The following BLM variants were observed in gnomAD, a reference collection of about 807,000 sequenced individuals.
BLM encodes the protein recQ-like DNA helicase BLM.
BLM carries 95 observed loss-of-function variants against 135.3 expected under a neutral mutation model. The observed-to-expected ratio is 0.70, with a 90% confidence interval of 0.59 to 0.83. The LOEUF (loss-of-function observed/expected upper bound fraction) is 0.83. Ranked by LOEUF, BLM falls within the 40% of genes least tolerant of loss-of-function variation. BLM has a pLI of 0.00. For missense variants in BLM, 1,518 were observed against 1,663.9 expected, an observed-to-expected ratio of 0.91 and a Z score of 1.53; for synonymous variants, 520 against 589.2, an observed-to-expected ratio of 0.88 and a Z score of 1.70.
chr15:90,785,456 AACT>A, intron 14 of BLM, among the ~76,000 whole-genome samples: 2 of 152,056 alleles, frequency 1.3e-5, no homozygotes, highest in Non-Finnish European at 1.5e-5. Flanking sequence ...CAAATCTACT[AACT>A]ACTGCTAACC....
At chr15:90,775,346 T>C (rs1278197496) in intron 12 of BLM, among the ~76,000 whole-genome samples, 1 of 151,988 alleles carries the variant, frequency 6.6e-6, no homozygotes, top group East Asian at 1.9e-4. Context: ...AAGGGATGAG[T>C]GGATGACCAC....
At position 90,749,698 on chromosome 15, in the gene BLM, T is replaced by A; in HGVS notation, c.430T>A (p.Ser144Thr). 1 of 1,614,182 alleles carries A rather than the reference T, an allele frequency of 6.2e-7. No individual in the cohort carries two copies. The highest frequency in any genetic ancestry group is 1.3e-5 in the African/African-American group (1 of 75,062). The change falls in exon 3 of 22, where the codon TCA (serine) becomes ACA (threonine). Residue 144 changes from serine to threonine, a missense_variant. Coordinates refer to ENST00000355112, the MANE Select transcript of BLM (RefSeq NM_000057.4). Reference sequence around the variant, plus strand: ...TCTCAAGAAATTAGAATTTAGTTCTTCACCAGATTCTTTAAGTACCATCAA... The same window carrying A: ...TCTCAAGAAATTAGAATTTAGTTCTACACCAGATTCTTTAAGTACCATCAA... Reference protein sequence around the residue: ...TALKKLEFSSSPDSLSTINDW... With the variant: ...TALKKLEFSSTPDSLSTINDW...
chr15:90,796,548 A>T (rs1441176747), intron 16 of BLM, among the ~76,000 whole-genome samples: 1 of 152,188 alleles, frequency 6.6e-6, no homozygotes, highest in African/African-American at 2.4e-5. Flanking sequence ...TTCCAATAAA[A>T]CTTTATGCAC....
intron 19 of BLM, among the ~76,000 whole-genome samples, chr15:90,805,354 C>T (rs888336174): frequency 2.6e-5 from 4 of 151,870 alleles, no homozygotes; most frequent in African/African-American, 9.7e-5. Flanking sequence ...GCCTGTAATC[C>T]CAGCTACTCG....
At chr15:90,771,088 A>G (rs1444158326) in intron 12 of BLM, among the ~76,000 whole-genome samples, 1 of 151,208 alleles carries the variant, frequency 6.6e-6, no homozygotes, top group East Asian at 1.9e-4. Flanking sequence ...AAAGTTTGGA[A>G]TGGAATATTG....
At chr15:90,784,011 C>A (rs1445194760) in intron 13 of BLM, among the ~76,000 whole-genome samples, 1 of 152,072 alleles carries the variant, frequency 6.6e-6, no homozygotes, top group Non-Finnish European at 1.5e-5. Flanking sequence ...GCATTTTTTT[C>A]TACTAGCATA....
intron 12 of BLM, among the ~76,000 whole-genome samples, chr15:90,777,400 G>T (rs1048479206): frequency 2.0e-5 from 3 of 152,130 alleles, no homozygotes; most frequent in Admixed American, 2.0e-4. Context: ...TGATCTGCCC[G>T]CCTCGGCCTC....
chr15:90,792,260 C>G (rs1011870953), intron 15 of BLM, among the ~76,000 whole-genome samples: 8 of 151,904 alleles, frequency 5.3e-5, no homozygotes, highest in Non-Finnish European at 1.0e-4. Context: ...CTCCCACCAC[C>G]ACACCCAGCT....
chr15:90,808,181 A>G (rs1342752352), intron 19 of BLM, among the ~76,000 whole-genome samples: 2 of 152,234 alleles, frequency 1.3e-5, no homozygotes, highest in East Asian at 3.8e-4. Flanking sequence ...TCAAGGGTCT[A>G]CATTTCTTCC....
At chr15:90,768,812 A>G (rs955336844) in intron 10 of BLM, among the ~76,000 whole-genome samples, 3 of 151,764 alleles carry the variant, frequency 2.0e-5, no homozygotes, top group Non-Finnish European at 4.4e-5. Flanking sequence ...TGCAACCTCC[A>G]CCTCCCGAGT....
In BLM at chr15:90,815,449, CT is replaced by C. The variant is rs544601460; in HGVS notation, c.*174del. 234 of 774,770 alleles carry C rather than the reference CT, an allele frequency of 3.0e-4. 1 individual carries two copies. The African/African-American group carries it at 3.7e-3, about 12-fold the overall frequency. 48.0% of individuals were successfully genotyped at this position (774,770 alleles called of 1,614,324 possible). A position where few individuals can be genotyped will look rare whatever the true frequency, so the allele number is the denominator to read the frequency against. On this transcript the variant is annotated 3_prime_UTR_variant, in exon 22 of 22. Transcript: ENST00000355112. The surrounding 1 kb of genome is among the most constrained non-coding windows in gnomAD (Gnocchi z 4.6). ...TTCTTCTTTTTAAAATAAACATTTTCTTTTGAATAAGCATGTTTTGCTGCCG... is the reference window on the plus strand; with the variant it reads ...TTCTTCTTTTTAAAATAAACATTTTCTTTGAATAAGCATGTTTTGCTGCCG...
chr15:90,732,215 T>C (rs919541197), intron 1 of BLM, among the ~76,000 whole-genome samples: 6 of 152,220 alleles, frequency 3.9e-5, no homozygotes, highest in African/African-American at 1.4e-4. Flanking sequence ...GTATATTTCT[T>C]GATTTTCAAT....
chr15:90,807,972 G>A (rs1008211473), intron 19 of BLM, among the ~76,000 whole-genome samples: 1 of 152,188 alleles, frequency 6.6e-6, no homozygotes, highest in Non-Finnish European at 1.5e-5. Flanking sequence ...GACATATCTT[G>A]ACCTCAGGAA....
At chr15:90,734,522 A>G (rs1567028093) in intron 1 of BLM, among the ~76,000 whole-genome samples, 1 of 152,074 alleles carries the variant, frequency 6.6e-6, no homozygotes, top group Non-Finnish European at 1.5e-5. Context: ...TCCTGACCTC[A>G]GGTGATCTGC....
At chr15:90,720,432 C>A (rs1385457720) in intron 1 of BLM, among the ~76,000 whole-genome samples, 2 of 152,148 alleles carry the variant, frequency 1.3e-5, no homozygotes, top group Admixed American at 1.3e-4. Context: ...GAAAAATATT[C>A]CAGTCATAAT....
intron 1 of BLM, among the ~76,000 whole-genome samples, chr15:90,743,554 G>A (rs894243102): frequency 6.6e-6 from 1 of 151,590 alleles, no homozygotes; most frequent in Non-Finnish European, 1.5e-5. Context: ...TAAGAGATGG[G>A]GTCTCACAGT....
rs201168756 is a variant in BLM, at chr15:90,769,254, G to A, written c.2406+23G>A. The A allele has an allele frequency of 3.4e-5, 54 of 1,577,104 alleles. No individual in the cohort carries two copies. In the African/African-American group the frequency reaches 3.9e-4, roughly 11 times the overall value. ...CAGGTAAATACTGTTTTTTATATCCGGAAATACCGATAAATACATACTACC... is the reference window on the plus strand; with the variant it reads ...CAGGTAAATACTGTTTTTTATATCCAGAAATACCGATAAATACATACTACC... On this transcript the variant is annotated intron_variant, in intron 11 of 21. Coordinates refer to ENST00000355112, the MANE Select transcript of BLM (RefSeq NM_000057.4).
intron 2 of BLM, 76 bp from the exon 3 acceptor site, chr15:90,749,291 T>C: frequency 9.2e-7 from 1 of 1,092,734 alleles, no homozygotes. Flanking sequence ...TGAATTAGTT[T>C]AAAAAATTAG....
At position 90,804,353 on chromosome 15, in the gene BLM, C is replaced by T. The variant is rs1250193368; in HGVS notation, c.3745C>T (p.Leu1249Phe). The T allele has an allele frequency of 6.2e-7, 1 of 1,613,532 alleles. No homozygotes were observed. Among genetic ancestry groups the T allele is most frequent in the Non-Finnish European group, 8.5e-7 (1 of 1,179,574 alleles). The stretch of plus-strand genomic sequence containing the variant: ...TTTTAATACCGTCACTCTCAAGAAG[C>T]TTGCAGGTGGGTACACATGTATCCT... ...NIFNTVTLKK[L>F]AESLSSDPEV... Residue 1249 changes from leucine to phenylalanine, a missense_variant, in exon 19 of 22, where the codon CTT becomes TTT. Coordinates refer to ENST00000355112, the MANE Select transcript of BLM (RefSeq NM_000057.4).
Sources: gnomAD v4.1 joint callset for allele counts (sites outside exome capture counted in the v4.1 genomes callset) on GRCh38, gnomAD v4.1.1 for gene constraint, Gnocchi (gnomAD v3.1) non-coding constraint, MANE v1.5 for transcripts, NCBI Gene and HGNC (gene_info 2026-07-23, HGNC 2026-07-21) for gene names.